The following PLCB1 variants were observed in gnomAD, a reference collection of about 807,000 sequenced individuals.
PLCB1 encodes phospholipase C beta 1.
Under a neutral mutation model 161.8 loss-of-function variants are expected in PLCB1, and 46 were observed. The ratio of observed to expected loss-of-function variants is 0.28; its 90% confidence interval spans 0.22 to 0.36. PLCB1 has a LOEUF of 0.36. PLCB1 is among the 10% of genes least tolerant of loss of function. PLCB1 has a pLI of 1.00. For missense variants in PLCB1, 1,016 were observed against 1,472.5 expected, an observed-to-expected ratio of 0.69 and a Z score of 5.07; for synonymous variants, 517 against 503.7, an observed-to-expected ratio of 1.03 and a Z score of -0.35.
chr20:8,494,363 A>G (rs6055863), intron 3 of PLCB1, among the ~76,000 whole-genome samples: 103,612 of 152,072 alleles, frequency 0.68, 35,499 homozygotes, highest in Non-Finnish European at 0.71. Flanking sequence ...AATAATTACC[A>G]GGAAATTAAC....
intron 3 of PLCB1, among the ~76,000 whole-genome samples, chr20:8,384,236 C>G (rs937777769): frequency 1.3e-5 from 2 of 151,876 alleles, no homozygotes; most frequent in Non-Finnish European, 2.9e-5. Context: ...ATTATTTTTT[C>G]TCTAATCTTG....
At chr20:8,240,721 C>T (rs765692342) in intron 2 of PLCB1, among the ~76,000 whole-genome samples, 19 of 151,974 alleles carry the variant, frequency 1.3e-4, no homozygotes, top group Non-Finnish European at 2.2e-4. Context: ...AGGTAAGGCA[C>T]AGAGATTTTA....
intron 3 of PLCB1, among the ~76,000 whole-genome samples, chr20:8,517,059 A>G (rs957989671): frequency 1.3e-5 from 2 of 152,216 alleles, no homozygotes; most frequent in South Asian, 4.1e-4. Context: ...GAAGGATCAG[A>G]AAAAATTCAC....
intron 2 of PLCB1, among the ~76,000 whole-genome samples, chr20:8,189,374 G>T (rs1201719149): frequency 6.7e-6 from 1 of 150,310 alleles, no homozygotes; most frequent in Non-Finnish European, 1.5e-5. Context: ...CCTTAAATGT[G>T]CACAATAAAA....
intron 31 of PLCB1, chr20:8,792,661 AG>A: frequency 2.1e-6 from 1 of 470,704 alleles, no homozygotes; most frequent in Non-Finnish European, 4.4e-6. Context: ...CTGGATTTGA[AG>A]GTTGCCCATG....
chr20:8,664,405 T>C (rs956240950), intron 9 of PLCB1, among the ~76,000 whole-genome samples: 2 of 152,144 alleles, frequency 1.3e-5, no homozygotes, highest in Admixed American at 1.3e-4. Context: ...TAGCTTTTTT[T>C]CCTTTAAATA....
At chr20:8,872,894 C>T (rs188355633) in intron 31 of PLCB1, among the ~76,000 whole-genome samples, 3 of 152,232 alleles carry the variant, frequency 2.0e-5, no homozygotes, top group Non-Finnish European at 2.9e-5. Flanking sequence ...CTCCTCGCCC[C>T]GCAAAATGGA....
rs184437886 is a variant in PLCB1 at position 8,651,132 on chromosome 20, T to G, written c.594+1683T>G. Among the ~76,000 whole-genome samples, 187 of 152,294 alleles carry G rather than the reference T, an allele frequency of 1.2e-3. 1 individual carries two copies. Among genetic ancestry groups the G allele is most frequent in the Non-Finnish European group, 2.0e-3 (133 of 68,028 alleles). On this transcript the variant is annotated intron_variant, in intron 7 of 31. Coordinates refer to ENST00000338037, the MANE Select transcript of PLCB1 (RefSeq NM_015192.4). Reference sequence around the variant, plus strand: ...TCCTTTCATTATTTTTATCTGAGTATCTAAGCAACAAGGAAGCCTTTACCT... The same window carrying G: ...TCCTTTCATTATTTTTATCTGAGTAGCTAAGCAACAAGGAAGCCTTTACCT...
intron 3 of PLCB1, among the ~76,000 whole-genome samples, chr20:8,455,475 C>G (rs1229729085): frequency 2.7e-5 from 3 of 111,872 alleles, no homozygotes; most frequent in East Asian, 5.7e-4. Flanking sequence ...GAGTCTCGCT[C>G]TGTCACCCAG....
At chr20:8,252,172 G>A (rs151292965) in intron 2 of PLCB1, among the ~76,000 whole-genome samples, 1 of 152,044 alleles carries the variant, frequency 6.6e-6, no homozygotes, top group African/African-American at 2.4e-5. Flanking sequence ...ACTTGGCAAT[G>A]TCGAGATCCA....
At position 8,261,990 on chromosome 20, in the gene PLCB1, G is replaced by C. The variant is rs116338935; in HGVS notation, c.178-109392G>C. ...ATACATCTCAGACAGGGCACTCTTA[G>C]CTGCTTTCTTCTTGATGGCAGCTGG... On this transcript the variant is annotated intron_variant, in intron 2 of 31. Coordinates refer to ENST00000338037, the MANE Select transcript of PLCB1 (RefSeq NM_015192.4). 6.8e-3 allele frequency among the ~76,000 whole-genome samples: 1,042 copies of C among 152,222 alleles called. 14 individuals are homozygous for C. Among genetic ancestry groups the C allele is most frequent in the African/African-American group, 0.023 (966 of 41,538 alleles).
intron 3 of PLCB1, among the ~76,000 whole-genome samples, chr20:8,626,045 G>A (rs1456227224): frequency 6.6e-6 from 1 of 151,842 alleles, no homozygotes; most frequent in African/African-American, 2.4e-5. Flanking sequence ...GGGCGTGGTG[G>A]CACACCCCTA....
intron 2 of PLCB1, among the ~76,000 whole-genome samples, chr20:8,239,331 T>C (rs1326311903): frequency 1.3e-5 from 2 of 152,028 alleles, no homozygotes; most frequent in African/African-American, 4.8e-5. Context: ...TTAACCTTCC[T>C]ATATAGTAAG....
chr20:8,399,128 T>G (rs1198092640), intron 3 of PLCB1, among the ~76,000 whole-genome samples: 1 of 151,806 alleles, frequency 6.6e-6, no homozygotes, highest in African/African-American at 2.4e-5. Context: ...ATTTAGATCT[T>G]GGAGCATCTT....
intron 3 of PLCB1, among the ~76,000 whole-genome samples, chr20:8,410,764 T>C (rs902738764): frequency 6.6e-6 from 1 of 152,150 alleles, no homozygotes; most frequent in African/African-American, 2.4e-5. Context: ...GCAGATATAA[T>C]TAAGTATCTT....
intron 3 of PLCB1, among the ~76,000 whole-genome samples, chr20:8,523,488 CTCTCTCTCT>C (rs1984444324): frequency 5.1e-5 from 3 of 59,368 alleles, no homozygotes; most frequent in African/African-American, 1.9e-4. Flanking sequence ...CTCTCTCTCT[CTCTCTCTCT>C]ATATATATAT....
At chr20:8,615,568 C>T (rs1287937101) in intron 3 of PLCB1, among the ~76,000 whole-genome samples, 2 of 152,138 alleles carry the variant, frequency 1.3e-5, no homozygotes, top group African/African-American at 2.4e-5. Context: ...CTTTGAATCC[C>T]TTTAGAAACC....
chr20:8,371,323 TAAAAC>T, intron 2 of PLCB1, 54 bp from the exon 3 acceptor site: 7 of 1,173,396 alleles, frequency 6.0e-6, no homozygotes, highest in Admixed American at 2.0e-5. Flanking sequence ...GTCAATGACA[TAAAAC>T]AAAGAGGAAA....
At chr20:8,780,140 G>A (rs577048280) in intron 27 of PLCB1, among the ~76,000 whole-genome samples, 1 of 152,198 alleles carries the variant, frequency 6.6e-6, no homozygotes, top group African/African-American at 2.4e-5. Flanking sequence ...CCTGTGTTTC[G>A]TCTATACCAT....
Sources: allele counts gnomAD v4.1 joint callset (sites outside exome capture counted in the v4.1 genomes callset), GRCh38; gene constraint gnomAD v4.1.1; transcripts MANE v1.5; gene names NCBI Gene and HGNC (gene_info 2026-07-23, HGNC 2026-07-21).